ZC4H2: variants seen among roughly 807,000 people sequenced by gnomAD.
ZC4H2 encodes zinc finger C4H2-type containing, also known as zinc finger C4H2 domain-containing protein.
For synonymous variants in ZC4H2, 84 were observed against 66.3 expected, an observed-to-expected ratio of 1.27 and a Z score of -1.30; for missense variants, 137 against 173.9, an observed-to-expected ratio of 0.79 and a Z score of 1.19.
intron 1 of ZC4H2, among the ~76,000 whole-genome samples, chrX:65,012,241 A>G (rs1303327047): frequency 9.4e-6 from 1 of 106,258 alleles, no homozygotes; most frequent in Non-Finnish European, 1.9e-5. Context: ...AAAAAAAAAA[A>G]AAAAAGAAAG....
rs1569215079 is a variant in ZC4H2, at chrX:64,954,337, T to TTATATATATATAC, written c.53+21987_53+21988insGTATATATATATA. ...GTATAATTATATATATATATATATATAATTATATATATATATAATTATATA... is the reference window on the plus strand; with the variant it reads ...GTATAATTATATATATATATATATATTATATATATATACAATTATATATATATATAATTATATA... On this transcript the variant is annotated intron_variant, in intron 1 of 4. Transcript: ENST00000374839. 2.6e-4 allele frequency among the ~76,000 whole-genome samples: 19 copies of TTATATATATATAC among 73,439 alleles called. 6 individuals carry two copies. The highest frequency in any genetic ancestry group is 1.6e-3 in the African/African-American group (19 of 12,075). 63.8% of individuals were successfully genotyped at this position (73,439 alleles called of 115,157 possible). A position where few individuals can be genotyped will look rare whatever the true frequency, so the allele number is the denominator to read the frequency against.
At chrX:65,006,560 G>GGGGT (rs1932663592) in intron 1 of ZC4H2, among the ~76,000 whole-genome samples, 1 of 105,611 alleles carries the variant, frequency 9.5e-6, no homozygotes, top group South Asian at 4.6e-4. Context: ...GGTCTGTCAT[G>GGGGT]GGGTGGTGGG....
rs954073007 is a variant in ZC4H2, at chrX:64,919,070, G to T, written c.533C>A (p.Thr178Asn). 15 of 1,174,306 alleles carry T rather than the reference G, an allele frequency of 1.3e-5. No homozygotes were observed. The highest frequency in any genetic ancestry group is 1.6e-5 in the Non-Finnish European group (14 of 875,247). The stretch of plus-strand genomic sequence containing the variant: ...CATAGGTGGGGGCTGCTGCCTGAAG[G>T]TGGCCGTCTGCCGAGTATCCTGCTT... ...ARKQDTRQTA[T>N]FRQQPPPMKA... Residue 178 changes from threonine to asparagine, a missense_variant, in exon 4 of 5, where the codon ACC (threonine) becomes AAC (asparagine). Transcript: ENST00000374839.
intron 1 of ZC4H2, among the ~76,000 whole-genome samples, chrX:64,928,632 C>CCTCCTTCTT (rs1457350435): frequency 9.6e-5 from 8 of 83,340 alleles, no homozygotes; most frequent in African/African-American, 3.4e-4. Context: ...CCTGCTTTCT[C>CCTCCTTCTT]CTTCTTCTTC....
intron 1 of ZC4H2, among the ~76,000 whole-genome samples, chrX:64,933,251 T>A (rs781333374): frequency 1.9e-4 from 21 of 111,614 alleles, no homozygotes; most frequent in African/African-American, 4.9e-4. Context: ...TCTGAAAAAA[T>A]TTTAATTATA....
In ZC4H2 at chrX:64,928,676, TTCTTC is replaced by T. The variant is rs1356812062; in HGVS notation, c.54-6693_54-6689del. Among the ~76,000 whole-genome samples, 15 of 102,277 alleles carry T rather than the reference TTCTTC, an allele frequency of 1.5e-4. No homozygotes were observed. The East Asian group carries it at 4.3e-3, about 29-fold the overall frequency. The allele number at this position is 102,277 out of a possible 115,157, so 88.8% of individuals were successfully genotyped here. A position where few individuals can be genotyped will look rare whatever the true frequency, so the allele number is the denominator to read the frequency against. ...CTTCTTCTTCTTCTTCTTCTTCTTC[TTCTTC>T]TTCCTCCTCCTCTTCTTCTTCTCCT... On this transcript the variant is annotated intron_variant, in intron 1 of 4. Transcript: ENST00000374839.
intron 1 of ZC4H2, among the ~76,000 whole-genome samples, chrX:64,956,775 G>A (rs1931173637): frequency 8.9e-6 from 1 of 112,032 alleles, no homozygotes; most frequent in South Asian, 3.7e-4. Flanking sequence ...TCCTAGAACA[G>A]ACCAGATTTT....
chrX:64,998,514 C>G (rs1932462752), intron 1 of ZC4H2, among the ~76,000 whole-genome samples: 1 of 112,082 alleles, frequency 8.9e-6, no homozygotes, highest in Non-Finnish European at 1.9e-5. Flanking sequence ...GAAGCAAACA[C>G]TGACAGAGTG....
At chrX:64,967,037 AT>A (rs1357984546) in intron 1 of ZC4H2, among the ~76,000 whole-genome samples, 1 of 111,624 alleles carries the variant, frequency 9.0e-6, no homozygotes, top group Non-Finnish European at 1.9e-5. Flanking sequence ...ACTTCTAAGC[AT>A]GCTCATGTTT....
At chrX:64,954,437 ATATGTT>A (rs1931070222) in intron 1 of ZC4H2, among the ~76,000 whole-genome samples, 1 of 90,130 alleles carries the variant, frequency 1.1e-5, no homozygotes, top group African/African-American at 4.8e-5. Flanking sequence ...AAAATTTCTA[ATATGTT>A]TGAGTGCTTG....
chrX:64,998,125 CA>C (rs1932454924), intron 1 of ZC4H2, among the ~76,000 whole-genome samples: 1 of 110,822 alleles, frequency 9.0e-6, no homozygotes, highest in Non-Finnish European at 1.9e-5. Flanking sequence ...AAATGAGGGA[CA>C]AAAAAGATAT....
At position 64,970,358 on chromosome X, in the gene ZC4H2, G is replaced by A. The variant is rs963899237; in HGVS notation, c.53+5967C>T. Among the ~76,000 whole-genome samples the A allele has an allele frequency of 2.7e-5, 3 of 111,208 alleles. 1 individual carries two copies. Among genetic ancestry groups the A allele is most frequent in the Non-Finnish European group, 5.7e-5 (3 of 53,054 alleles). On this transcript the variant is annotated intron_variant, in intron 1 of 4. Coordinates refer to ENST00000374839, the MANE Select transcript of ZC4H2 (RefSeq NM_018684.4). Reference sequence around the variant, plus strand: ...AATTTGCCCATCCACAAGTCCCAGAGGTTCCAGTTGTCCTGTGCCTTGGTC... The same window carrying A: ...AATTTGCCCATCCACAAGTCCCAGAAGTTCCAGTTGTCCTGTGCCTTGGTC...
At chrX:64,965,616 T>A (rs1216096041) in intron 1 of ZC4H2, 1 of 252,435 alleles carries the variant, frequency 4.0e-6, no homozygotes, top group African/African-American at 2.9e-5. Context: ...TAAAAAATAC[T>A]GATAAATTGG....
At chrX:65,028,902 T>G (rs1030950320) in intron 1 of ZC4H2, among the ~76,000 whole-genome samples, 8 of 111,218 alleles carry the variant, frequency 7.2e-5, no homozygotes, top group Non-Finnish European at 1.3e-4. Flanking sequence ...CATTCAAGCA[T>G]GGACAGGTTG....
At chrX:64,966,587 C>A (rs780109904) in intron 1 of ZC4H2, among the ~76,000 whole-genome samples, 3 of 111,778 alleles carry the variant, frequency 2.7e-5, no homozygotes, top group Non-Finnish European at 5.6e-5. Flanking sequence ...CCAAAATGTG[C>A]GATATCCATG....
chrX:64,951,272 C>G (rs1211570344), intron 1 of ZC4H2, among the ~76,000 whole-genome samples: 1 of 112,037 alleles, frequency 8.9e-6, no homozygotes, highest in African/African-American at 3.2e-5. Context: ...CATACGTGTG[C>G]ATGTGTATAG....
At chrX:64,958,070 A>G (rs1931226907) in intron 1 of ZC4H2, among the ~76,000 whole-genome samples, 1 of 111,122 alleles carries the variant, frequency 9.0e-6, no homozygotes, top group African/African-American at 3.3e-5. Context: ...TTTTTTTTTA[A>G]TAAGTAAGAG....
intron 1 of ZC4H2, among the ~76,000 whole-genome samples, chrX:65,019,395 G>A (rs1932819657): frequency 8.9e-6 from 1 of 112,060 alleles, no homozygotes. Context: ...AGGAAAACAG[G>A]GTCTGGAGTG....
In ZC4H2 at chrX:64,916,834, T is replaced by A. The variant is rs1928955044; in HGVS notation, c.*949A>T. The A allele has an allele frequency of 8.9e-6, 1 of 111,903 alleles. No homozygotes were observed. Among genetic ancestry groups the A allele is most frequent in the South Asian group, 3.7e-4 (1 of 2,724 alleles). 9.2% of individuals were successfully genotyped at this position (111,903 alleles called of 1,213,427 possible). A position where few individuals can be genotyped will look rare whatever the true frequency, so the allele number is the denominator to read the frequency against. On this transcript the variant is annotated 3_prime_UTR_variant, in exon 5 of 5. Coordinates refer to ENST00000374839, the MANE Select transcript of ZC4H2 (RefSeq NM_018684.4). ...GAGCAAGGGATGAATGGAAGGAAAG[T>A]CCCACCCACCTTCATGTGTAAAGTG...
Sources: allele counts gnomAD v4.1 joint callset (sites outside exome capture counted in the v4.1 genomes callset), GRCh38; gene constraint gnomAD v4.1.1; transcripts MANE v1.5; gene names NCBI Gene and HGNC (gene_info 2026-07-23, HGNC 2026-07-21).